The following MPZL3 variants were observed in gnomAD, a reference collection of about 807,000 sequenced individuals.
MPZL3 encodes the protein myelin protein zero-like protein 3.
A neutral mutation model predicts 24.8 loss-of-function variants in MPZL3; 23 were observed. That is an observed-to-expected ratio of 0.93 (90% CI 0.67 to 1.31). The LOEUF is 1.31. Among genes scored for constraint, MPZL3 ranks in the 40% most tolerant of loss-of-function variants. MPZL3 has a pLI of 0.00. For missense variants in MPZL3, 277 were observed against 294.9 expected, an observed-to-expected ratio of 0.94 and a Z score of 0.44; for synonymous variants, 99 against 106.5, an observed-to-expected ratio of 0.93 and a Z score of 0.44.
chr11:118,237,891 C>T (rs1374627886), intron 2 of MPZL3, among the ~76,000 whole-genome samples: 1 of 152,168 alleles, frequency 6.6e-6, no homozygotes, highest in Admixed American at 6.5e-5. Context: ...AATCCCAGCA[C>T]TTTGGGAGGC....
At chr11:118,245,734 T>C (rs1949550050) in intron 1 of MPZL3, among the ~76,000 whole-genome samples, 1 of 152,242 alleles carries the variant, frequency 6.6e-6, no homozygotes, top group Non-Finnish European at 1.5e-5. Context: ...ACCTTGCCGC[T>C]AGCTCTGGGT....
chr11:118,245,507 G>A (rs1949548399), intron 1 of MPZL3, among the ~76,000 whole-genome samples: 2 of 152,226 alleles, frequency 1.3e-5, no homozygotes, highest in Admixed American at 6.5e-5. Flanking sequence ...ACTTGCTGAT[G>A]TCATTCACTG....
At chr11:118,246,241 T>A (rs530066303) in intron 1 of MPZL3, among the ~76,000 whole-genome samples, 1 of 152,202 alleles carries the variant, frequency 6.6e-6, no homozygotes, top group Non-Finnish European at 1.5e-5. Flanking sequence ...CCTATTCACT[T>A]GTAGATTTAA....
chr11:118,249,906 CCAAA>C (rs1212039036), intron 1 of MPZL3, among the ~76,000 whole-genome samples: 3 of 152,192 alleles, frequency 2.0e-5, no homozygotes, highest in South Asian at 2.1e-4. Context: ...ATTTAAAACA[CCAAA>C]CAAATGGATG....
chr11:118,250,888 A>G (rs1949613166), intron 1 of MPZL3, among the ~76,000 whole-genome samples: 2 of 152,180 alleles, frequency 1.3e-5, no homozygotes, highest in African/African-American at 4.8e-5. Flanking sequence ...CCCTGCCACC[A>G]GTTATTTTTT....
chr11:118,243,223 A>G (rs972042569), intron 1 of MPZL3, among the ~76,000 whole-genome samples: 15 of 152,124 alleles, frequency 9.9e-5, no homozygotes, highest in African/African-American at 3.4e-4. Flanking sequence ...TTCCCATTCC[A>G]TGATTCCTCA....
chr11:118,232,149 C>T (rs919738411), intron 5 of MPZL3, among the ~76,000 whole-genome samples: 7 of 152,156 alleles, frequency 4.6e-5, no homozygotes, highest in Non-Finnish European at 8.8e-5. Flanking sequence ...CCCCTTGCTA[C>T]TCCAAGAATA....
At position 118,227,014 on chromosome 11, in the gene MPZL3, C is replaced by T. The variant is rs1299289932; in HGVS notation, c.*2880G>A. On this transcript the variant is annotated 3_prime_UTR_variant, in exon 6 of 6. Transcript: ENST00000278949. ...TTCAGGATGTGGCCTCCAGAAGTGT[C>T]GTTTTGTTTTGTTTTGAACAAAGAC... 2.6e-5 allele frequency: 4 copies of T among 152,208 alleles called. No homozygotes were observed. Among genetic ancestry groups the T allele is most frequent in the South Asian group, 2.1e-4 (1 of 4,832 alleles). 9.4% of individuals were successfully genotyped at this position (152,208 alleles called of 1,614,324 possible).
At position 118,233,478 on chromosome 11, in the gene MPZL3, G is replaced by C; in HGVS notation, c.663C>G (p.Val221=). The change falls in exon 5 of 6, where the codon GTC becomes GTG. Residue 221 remains valine, a synonymous_variant. Coordinates refer to ENST00000278949, the MANE Select transcript of MPZL3 (RefSeq NM_198275.3). ...EEEACMARLC[V]RCAECLDSDY... ...CACTTACCAGGCACTCAGCGCAACG[G>C]ACACAAAGCCTCGCCATACACGCCT... The C allele has an allele frequency of 6.2e-7, 1 of 1,613,848 alleles. No individual in the cohort carries two copies. Among genetic ancestry groups the C allele is most frequent in the African/African-American group, 1.3e-5 (1 of 74,984 alleles).
In MPZL3 at chr11:118,240,384, A is replaced by G; in HGVS notation, c.74-7T>C. Reference sequence around the variant, plus strand: ...GAAAAGACGATATAAACACCTAATCAAAGCAAACCCAAACACTTAAAATGC... The same window carrying G: ...GAAAAGACGATATAAACACCTAATCGAAGCAAACCCAAACACTTAAAATGC... On this transcript the variant is annotated splice_region_variant and splice_polypyrimidine_tract_variant and intron_variant, in intron 1 of 5. Transcript: ENST00000278949. 1.2e-6 allele frequency: 2 copies of G among 1,602,208 alleles called. No individual in the cohort carries two copies. Among genetic ancestry groups the G allele is most frequent in the Non-Finnish European group, 1.7e-6 (2 of 1,176,086 alleles).
chr11:118,234,708 C>T (rs1949398770), intron 4 of MPZL3, among the ~76,000 whole-genome samples: 1 of 150,066 alleles, frequency 6.7e-6, no homozygotes, highest in South Asian at 2.2e-4. Flanking sequence ...AGGGTGCTCT[C>T]TTATCATTAA....
At chr11:118,241,749 G>T (rs1003410515) in intron 1 of MPZL3, among the ~76,000 whole-genome samples, 1 of 152,056 alleles carries the variant, frequency 6.6e-6, no homozygotes, top group African/African-American at 2.4e-5. Flanking sequence ...CATTTTTCTT[G>T]CTCCTCTCTA....
At chr11:118,250,250 T>C (rs1591500430) in intron 1 of MPZL3, among the ~76,000 whole-genome samples, 1 of 148,376 alleles carries the variant, frequency 6.7e-6, no homozygotes, top group Admixed American at 6.9e-5. Context: ...GTCTCAAACT[T>C]CTGACCTCAA....
chr11:118,231,842 C>G (rs1243705088), intron 5 of MPZL3, among the ~76,000 whole-genome samples: 1 of 152,216 alleles, frequency 6.6e-6, no homozygotes, highest in Non-Finnish European at 1.5e-5. Context: ...CTGGTCCAAA[C>G]TACCAGCATC....
intron 1 of MPZL3, among the ~76,000 whole-genome samples, chr11:118,248,451 C>T (rs1204379541): frequency 6.6e-6 from 1 of 152,092 alleles, no homozygotes; most frequent in African/African-American, 2.4e-5. Context: ...CATCAATAAA[C>T]CCACCTACCT....
chr11:118,238,945 C>G (rs73596527), intron 2 of MPZL3, among the ~76,000 whole-genome samples: 3,352 of 152,292 alleles, frequency 0.022, 120 homozygotes, highest in African/African-American at 0.076. Context: ...CGAGATTAGT[C>G]TAGCCCATGA....
At position 118,252,342 on chromosome 11, in the gene MPZL3, A is replaced by G. The variant is rs768450291; in HGVS notation, c.-48T>C. 3.1e-6 allele frequency: 5 copies of G among 1,587,766 alleles called. No homozygotes were observed. In the Admixed American group the frequency reaches 8.4e-5, roughly 27 times the overall value. On this transcript the variant is annotated 5_prime_UTR_variant, in exon 1 of 6. Coordinates refer to ENST00000278949, the MANE Select transcript of MPZL3 (RefSeq NM_198275.3). ...GCACACCTTGTTTACAGCTCCCGGT[A>G]ACGACACAGGTAACACCGGAAGTGA...
At chr11:118,240,034 G>A (rs1949472952) in intron 2 of MPZL3, among the ~76,000 whole-genome samples, 177 bp downstream of exon 2, 2 of 152,220 alleles carry the variant, frequency 1.3e-5, no homozygotes, top group South Asian at 2.1e-4. Flanking sequence ...GAATTCTTAC[G>A]TGGGGCCCTG....
chr11:118,252,358 C>A lies in MPZL3; in HGVS notation c.-64G>T, dbSNP rs1029117071. 5.9e-6 allele frequency: 9 copies of A among 1,516,048 alleles called. No individual in the cohort carries two copies. Among genetic ancestry groups the A allele is most frequent in the Admixed American group, 1.7e-5 (1 of 59,210 alleles). 93.9% of individuals were successfully genotyped at this position (1,516,048 alleles called of 1,614,324 possible). ...GCTCCCGGTAACGACACAGGTAACA[C>A]CGGAAGTGACGTCAGAGCAGGAGGC... On this transcript the variant is annotated 5_prime_UTR_variant, in exon 1 of 6. Coordinates refer to ENST00000278949, the MANE Select transcript of MPZL3 (RefSeq NM_198275.3).
Sources: gnomAD v4.1 joint callset for allele counts (sites outside exome capture counted in the v4.1 genomes callset) on GRCh38, gnomAD v4.1.1 for gene constraint, MANE v1.5 for transcripts, NCBI Gene and HGNC (gene_info 2026-07-23, HGNC 2026-07-21) for gene names.